ARHGAP28: variants seen among roughly 807,000 people sequenced by gnomAD.
ARHGAP28 encodes the protein rho GTPase-activating protein 28.
ARHGAP28 carries 56 observed loss-of-function variants against 90.7 expected under a neutral mutation model. The ratio of observed to expected loss-of-function variants is 0.62; its 90% CI spans 0.50 to 0.77. ARHGAP28 has a LOEUF of 0.77. Among genes scored for constraint, ARHGAP28 ranks in the 30% least tolerant of loss-of-function variants. The pLI is 0.00. For missense variants in ARHGAP28, 869 were observed against 900.9 expected, an observed-to-expected ratio of 0.96 and a Z score of 0.45; for synonymous variants, 308 against 323.3, an observed-to-expected ratio of 0.95 and a Z score of 0.51.
chr18:6,895,291 C>T (rs1176263827), intron 15 of ARHGAP28, among the ~76,000 whole-genome samples: 8 of 152,068 alleles, frequency 5.3e-5, no homozygotes, highest in African/African-American at 9.7e-5. Context: ...CCAAATCCCT[C>T]GGTATCTTTT....
At chr18:6,857,295 T>A (rs2056961387) in intron 4 of ARHGAP28, among the ~76,000 whole-genome samples, 1 of 152,220 alleles carries the variant, frequency 6.6e-6, no homozygotes, top group African/African-American at 2.4e-5. Context: ...GTGTGGAGGA[T>A]GTTGTCAACG....
intron 2 of ARHGAP28, among the ~76,000 whole-genome samples, chr18:6,832,221 T>G (rs1429593769): frequency 6.6e-6 from 1 of 152,002 alleles, no homozygotes; most frequent in Non-Finnish European, 1.5e-5. Flanking sequence ...AATTTTTGGG[T>G]TTTTTTCTAG....
intron 10 of ARHGAP28, among the ~76,000 whole-genome samples, chr18:6,877,692 A>C (rs957002702): frequency 2.4e-4 from 36 of 152,236 alleles, no homozygotes; most frequent in African/African-American, 8.2e-4. Context: ...ACGGCTCCTT[A>C]AGGTTTATGC....
intron 1 of ARHGAP28, among the ~76,000 whole-genome samples, chr18:6,817,889 G>A (rs2056602272): frequency 6.6e-6 from 1 of 152,200 alleles, no homozygotes; most frequent in South Asian, 2.1e-4. Context: ...CAACAGGGTT[G>A]GGAATAGACT....
At chr18:6,779,259 A>G (rs1247625862) in intron 1 of ARHGAP28, among the ~76,000 whole-genome samples, 1 of 152,176 alleles carries the variant, frequency 6.6e-6, no homozygotes, top group Non-Finnish European at 1.5e-5. Flanking sequence ...GTTATCTGGA[A>G]AATTACCCCA....
intron 1 of ARHGAP28, among the ~76,000 whole-genome samples, chr18:6,804,447 G>A (rs371442647): frequency 3.3e-5 from 5 of 151,472 alleles, no homozygotes; most frequent in Middle Eastern, 3.4e-3. Context: ...TTTGGTTCTG[G>A]TACTTGTTAT....
At chr18:6,853,879 T>C (rs1184604144) in intron 4 of ARHGAP28, among the ~76,000 whole-genome samples, 1 of 152,210 alleles carries the variant, frequency 6.6e-6, no homozygotes. Context: ...CTGACTGATG[T>C]ATTATGTCTC....
At chr18:6,744,425 T>A (rs1275932471) in intron 1 of ARHGAP28, among the ~76,000 whole-genome samples, 3 of 152,182 alleles carry the variant, frequency 2.0e-5, no homozygotes, top group Non-Finnish European at 4.4e-5. Context: ...CTCAAGGGTC[T>A]TTTCTCATGC....
chr18:6,856,075 C>T (rs1293327415), intron 4 of ARHGAP28, among the ~76,000 whole-genome samples: 2 of 152,126 alleles, frequency 1.3e-5, no homozygotes, highest in East Asian at 3.9e-4. Flanking sequence ...CCAGTGGGCC[C>T]GAGCAAAACT....
chr18:6,759,717 T>C (rs2056142971), intron 1 of ARHGAP28, among the ~76,000 whole-genome samples: 1 of 152,190 alleles, frequency 6.6e-6, no homozygotes, highest in South Asian at 2.1e-4. Context: ...TATCTTATCT[T>C]GAAAAACTAT....
intron 1 of ARHGAP28, among the ~76,000 whole-genome samples, chr18:6,770,653 G>A (rs1424630356): frequency 1.3e-5 from 2 of 152,174 alleles, no homozygotes; most frequent in Admixed American, 6.5e-5. Flanking sequence ...TACTTGTAAG[G>A]TGAGAAAGCC....
chr18:6,828,697 T>A (rs556464163), intron 2 of ARHGAP28, among the ~76,000 whole-genome samples: 6 of 152,324 alleles, frequency 3.9e-5, no homozygotes, highest in South Asian at 2.1e-4. Context: ...ACCCATTGCT[T>A]GTGAAACTAA....
chr18:6,767,628 A>T (rs965461324), intron 1 of ARHGAP28, among the ~76,000 whole-genome samples: 2 of 152,160 alleles, frequency 1.3e-5, no homozygotes, highest in African/African-American at 4.8e-5. Context: ...CACTTTAAAG[A>T]TGTTGCTCTA....
chr18:6,782,592 ATTTTTTT>A (rs10602816), intron 1 of ARHGAP28, among the ~76,000 whole-genome samples: 362 of 26,594 alleles, frequency 0.014, no homozygotes, highest in African/African-American at 0.03. Flanking sequence ...TAATTTTTGT[ATTTTTTT>A]TTTTTTTTTT....
chr18:6,889,479 A>G (rs940894602), intron 12 of ARHGAP28, among the ~76,000 whole-genome samples: 2 of 152,192 alleles, frequency 1.3e-5, no homozygotes, highest in African/African-American at 2.4e-5. Flanking sequence ...TTCAACAGCA[A>G]TGCTTTAAGT....
chr18:6,805,007 T>C (rs2056507920), intron 1 of ARHGAP28, among the ~76,000 whole-genome samples: 1 of 152,356 alleles, frequency 6.6e-6, no homozygotes, highest in East Asian at 1.9e-4. Context: ...TTTATATTTT[T>C]AGAGACATGG....
chr18:6,783,684 C>T (rs529817862), intron 1 of ARHGAP28, among the ~76,000 whole-genome samples: 1 of 152,200 alleles, frequency 6.6e-6, no homozygotes, highest in Non-Finnish European at 1.5e-5. Flanking sequence ...CTTTGAGACG[C>T]TCTGCGGGGA....
At chr18:6,844,971 A>G (rs1167342304) in intron 3 of ARHGAP28, among the ~76,000 whole-genome samples, 1 of 152,218 alleles carries the variant, frequency 6.6e-6, no homozygotes, top group African/African-American at 2.4e-5. Flanking sequence ...AAGATGTCAG[A>G]TCAATTTTGT....
intron 1 of ARHGAP28, among the ~76,000 whole-genome samples, chr18:6,739,865 T>C (rs2055960923): frequency 6.6e-6 from 1 of 151,580 alleles, no homozygotes; most frequent in Non-Finnish European, 1.5e-5. Context: ...CTTTTTTTTT[T>C]TTTTTTGAGA....
Sources: gnomAD v4.1 joint callset for allele counts (sites outside exome capture counted in the v4.1 genomes callset) on GRCh38, gnomAD v4.1.1 for gene constraint, MANE v1.5 for transcripts, NCBI Gene and HGNC (gene_info 2026-07-23, HGNC 2026-07-21) for gene names.